The following PMS1 variants were observed in gnomAD, a reference collection of about 807,000 sequenced individuals.
PMS1 encodes PMS1 homolog 1, mismatch repair system component.
Under a neutral mutation model 93.1 loss-of-function variants are expected in PMS1, and 79 were observed. That is an observed-to-expected ratio of 0.85 (90% CI 0.71 to 1.02). The LOEUF is 1.02. PMS1 is among the 50% of genes least tolerant of loss of function. The pLI, the probability that PMS1 is intolerant of heterozygous loss-of-function variation, is 0.00. For synonymous variants in PMS1, 335 were observed against 363.4 expected, an observed-to-expected ratio of 0.92 and a Z score of 0.89; for missense variants, 1,064 against 1,085.3, an observed-to-expected ratio of 0.98 and a Z score of 0.28.
At chr2:189,791,245 T>C (rs1016361233) in intron 1 of PMS1, among the ~76,000 whole-genome samples, 2 of 152,172 alleles carry the variant, frequency 1.3e-5, no homozygotes, top group Non-Finnish European at 2.9e-5. Flanking sequence ...TTGGACAAGT[T>C]TTCTAATTTC....
chr2:189,857,188 G>A (rs6719249), intron 9 of PMS1, among the ~76,000 whole-genome samples: 72 of 152,118 alleles, frequency 4.7e-4, no homozygotes, highest in African/African-American at 1.7e-3. Context: ...TTTAATCTAT[G>A]AAAGGGAATT....
chr2:189,790,695 A>C (rs2048784726), intron 1 of PMS1, among the ~76,000 whole-genome samples: 1 of 152,174 alleles, frequency 6.6e-6, no homozygotes, highest in Non-Finnish European at 1.5e-5. Flanking sequence ...TATATATTTA[A>C]TGTAGTAGTT....
At chr2:189,864,307 G>A (rs779701325) in intron 10 of PMS1, 79 bp downstream of exon 10, 1 of 992,964 alleles carries the variant, frequency 1.0e-6, no homozygotes, top group East Asian at 2.5e-5. Flanking sequence ...AAGGTAGAAG[G>A]TTGGGAATGT....
chr2:189,818,355 T>A (rs746862447), intron 5 of PMS1, among the ~76,000 whole-genome samples, 175 bp downstream of exon 5: 2 of 151,954 alleles, frequency 1.3e-5, no homozygotes, highest in Non-Finnish European at 2.9e-5. Flanking sequence ...CTTTGAGGAG[T>A]GAAATTCATG....
At chr2:189,842,093 T>A (rs2053863189) in intron 5 of PMS1, among the ~76,000 whole-genome samples, 1 of 151,440 alleles carries the variant, frequency 6.6e-6, no homozygotes, top group Non-Finnish European at 1.5e-5. Context: ...TTTTTTTATA[T>A]CCTCCCCATA....
chr2:189,843,328 C>G (rs1429351358), intron 5 of PMS1, among the ~76,000 whole-genome samples: 2 of 152,116 alleles, frequency 1.3e-5, no homozygotes, highest in African/African-American at 4.8e-5. Flanking sequence ...TATTGTTTCT[C>G]TCTCATCTCC....
intron 5 of PMS1, among the ~76,000 whole-genome samples, chr2:189,837,650 G>C (rs2053500605): frequency 6.6e-6 from 1 of 152,106 alleles, no homozygotes; most frequent in South Asian, 2.1e-4. Context: ...AAAAAACATG[G>C]AGCTACCATG....
chr2:189,818,996 A>T (rs2051578177), intron 5 of PMS1, among the ~76,000 whole-genome samples: 1 of 152,206 alleles, frequency 6.6e-6, no homozygotes, highest in Non-Finnish European at 1.5e-5. Context: ...TATATCCATC[A>T]CCAGAATAAC....
chr2:189,789,272 G>A (rs547037203), intron 1 of PMS1, among the ~76,000 whole-genome samples: 8 of 152,258 alleles, frequency 5.3e-5, no homozygotes, highest in African/African-American at 1.9e-4. Context: ...GTAAACCAGT[G>A]AGGTATTAGC....
At chr2:189,833,735 A>G (rs2053156586) in intron 5 of PMS1, among the ~76,000 whole-genome samples, 1 of 152,174 alleles carries the variant, frequency 6.6e-6, no homozygotes, top group Non-Finnish European at 1.5e-5. Context: ...TCCCTGCTGG[A>G]AGAAACCATA....
In PMS1 at chr2:189,877,501, G is replaced by A. The variant is rs897935525; in HGVS notation, c.*65G>A. 20 of 1,069,172 alleles carry A rather than the reference G, an allele frequency of 1.9e-5. No homozygotes were observed. The highest frequency in any genetic ancestry group is 2.6e-5 in the Non-Finnish European group (18 of 700,802). 66.2% of individuals were successfully genotyped at this position (1,069,172 alleles called of 1,614,324 possible). ...TTCTGTCATAAAACAGCATGAGTCT[G>A]GTTTTAAATTATCTTTGTATTATGT... On this transcript the variant is annotated 3_prime_UTR_variant, in exon 13 of 13. Transcript: ENST00000441310.
chr2:189,862,348 A>G (rs898494006), intron 9 of PMS1, among the ~76,000 whole-genome samples: 1 of 152,160 alleles, frequency 6.6e-6, no homozygotes, highest in African/African-American at 2.4e-5. Flanking sequence ...AATTTCCACT[A>G]ATCTGTTGAG....
intron 5 of PMS1, among the ~76,000 whole-genome samples, chr2:189,818,436 C>T (rs572669694): frequency 9.8e-4 from 149 of 152,136 alleles, no homozygotes; most frequent in Admixed American, 1.4e-3. Context: ...ACTACATAGT[C>T]AGAGGCACCA....
chr2:189,784,823 A>G (rs1447604756), intron 1 of PMS1: 1 of 151,822 alleles, frequency 6.6e-6, no homozygotes, highest in African/African-American at 2.4e-5. Context: ...CATTCCCCAG[A>G]CCCTTCTGGG....
At chr2:189,788,546 C>T (rs1223264182) in intron 1 of PMS1, among the ~76,000 whole-genome samples, 2 of 152,072 alleles carry the variant, frequency 1.3e-5, no homozygotes. Context: ...GATTTCAGAG[C>T]CTGCCATTTT....
At position 189,805,637 on chromosome 2, in the gene PMS1, G is replaced by GT. The variant is rs5743016; in HGVS notation, c.316-8dup. ...ATCTAAAGTGTTAGTTTTATTAGAT[G>GT]TTTTTTTCCCCCAGGTTTTAATTAC... On this transcript the variant is annotated splice_polypyrimidine_tract_variant and intron_variant, in intron 3 of 12. Transcript: ENST00000441310. 2.5e-6 allele frequency: 4 copies of GT among 1,598,018 alleles called. No homozygotes were observed. The highest frequency in any genetic ancestry group is 1.3e-5 in the African/African-American group (1 of 74,598).
intron 1 of PMS1, among the ~76,000 whole-genome samples, chr2:189,787,433 G>GA (rs925304292): frequency 5.3e-5 from 8 of 150,762 alleles, no homozygotes; most frequent in Admixed American, 1.3e-4. Flanking sequence ...TGTACAGCAG[G>GA]AAAAAAAAAG....
At chr2:189,808,241 G>T (rs1019735216) in intron 4 of PMS1, among the ~76,000 whole-genome samples, 1 of 152,024 alleles carries the variant, frequency 6.6e-6, no homozygotes, top group African/African-American at 2.4e-5. Flanking sequence ...CCTGTGGGTG[G>T]CATAATTGTA....
intron 1 of PMS1, among the ~76,000 whole-genome samples, chr2:189,788,389 A>G (rs1292629808): frequency 2.0e-5 from 3 of 152,210 alleles, no homozygotes; most frequent in African/African-American, 7.2e-5. Flanking sequence ...TTATTTATAT[A>G]TACTACTTTA....
Sources: gnomAD v4.1 joint callset for allele counts (sites outside exome capture counted in the v4.1 genomes callset) on GRCh38, gnomAD v4.1.1 for gene constraint, MANE v1.5 for transcripts, NCBI Gene and HGNC (gene_info 2026-07-23, HGNC 2026-07-21) for gene names.